Variants in RAB7A observed in about 807,000 individuals in gnomAD.
The protein encoded by RAB7A is RAB7A, member RAS oncogene family.
RAB7A carries 2 observed loss-of-function variants against 24.5 expected under a neutral mutation model. The ratio of observed to expected loss-of-function variants is 0.08; its 90% CI spans 0.03 to 0.26. RAB7A has a LOEUF of 0.26. Among genes scored for constraint, RAB7A ranks in the 10% least tolerant of loss-of-function variants. RAB7A has a pLI of 1.00. For synonymous variants in RAB7A, 100 were observed against 95.9 expected (o/e 1.04, Z -0.25); for missense variants, 118 against 255.7 (o/e 0.46, Z 3.67).
At chr3:128,780,970 A>G (rs1011680164) in intron 1 of RAB7A, among the ~76,000 whole-genome samples, 8 of 152,346 alleles carry the variant, frequency 5.3e-5, no homozygotes, top group Admixed American at 2.6e-4. Flanking sequence ...AAAGGTCTCC[A>G]TATCTTCCTC....
chr3:128,784,086 A>G (rs1933278026), intron 1 of RAB7A, among the ~76,000 whole-genome samples: 2 of 152,240 alleles, frequency 1.3e-5, no homozygotes, highest in African/African-American at 4.8e-5. Flanking sequence ...GATAGACTTC[A>G]GCCATAAAAT....
At chr3:128,764,863 A>T in intron 1 of RAB7A, 1 of 1,216,968 alleles carries the variant, frequency 8.2e-7, no homozygotes, top group African/African-American at 1.5e-5. Flanking sequence ...GTATGTGGCA[A>T]AGTTCCTCAA....
chr3:128,768,959 T>C (rs185559237), intron 1 of RAB7A, among the ~76,000 whole-genome samples: 2,711 of 147,088 alleles, frequency 0.018, 42 homozygotes, highest in South Asian at 0.052. Context: ...CTTTTTTCTT[T>C]CTTTCTTTCC....
chr3:128,798,855 G>T, intron 3 of RAB7A: 1 of 247,134 alleles, frequency 4.0e-6, no homozygotes, highest in Non-Finnish European at 7.7e-6. Context: ...AGAATCCCAG[G>T]ATTTTCCCTC....
At chr3:128,744,177 C>T (rs1012671297) in intron 1 of RAB7A, among the ~76,000 whole-genome samples, 2 of 152,038 alleles carry the variant, frequency 1.3e-5, no homozygotes, top group African/African-American at 4.8e-5. Context: ...CACTTGAGCC[C>T]TGCGGTTGGA....
chr3:128,746,717 G>A (rs1465419435), intron 1 of RAB7A, among the ~76,000 whole-genome samples: 1 of 151,672 alleles, frequency 6.6e-6, no homozygotes, highest in Non-Finnish European at 1.5e-5. Context: ...TTTTAGTAGA[G>A]ACGGGGTTTC....
intron 1 of RAB7A, among the ~76,000 whole-genome samples, chr3:128,786,659 C>T (rs963564395): frequency 3.3e-5 from 5 of 152,166 alleles, no homozygotes; most frequent in African/African-American, 1.2e-4. Context: ...TATGATGCTT[C>T]CTTCCCAGTG....
chr3:128,737,074 G>C (rs1322604839), intron 1 of RAB7A, among the ~76,000 whole-genome samples: 5 of 152,022 alleles, frequency 3.3e-5, no homozygotes, highest in Non-Finnish European at 5.9e-5. Context: ...GTCTCCCTCT[G>C]TCACCCAGGC....
At chr3:128,797,907 A>G (rs1239721809) in intron 2 of RAB7A, 36 bp from the exon 3 acceptor site, 9 of 1,609,308 alleles carry the variant, frequency 5.6e-6, no homozygotes, top group African/African-American at 5.3e-5. Flanking sequence ...GGACCCTCCT[A>G]TTTGACTTAT....
intron 1 of RAB7A, among the ~76,000 whole-genome samples, chr3:128,735,766 A>C (rs950747998): frequency 1.3e-5 from 2 of 152,196 alleles, no homozygotes; most frequent in African/African-American, 4.8e-5. Flanking sequence ...TAAATGCCTG[A>C]GATAATCTAG....
chr3:128,812,315 A>G (rs140667822), intron 5 of RAB7A, among the ~76,000 whole-genome samples: 2 of 152,280 alleles, frequency 1.3e-5, no homozygotes, highest in African/African-American at 2.4e-5. Flanking sequence ...GGGTTTCACC[A>G]TGTTCGCCAG....
intron 2 of RAB7A, among the ~76,000 whole-genome samples, chr3:128,795,787 T>C (rs1350446824): frequency 8.6e-6 from 1 of 116,902 alleles, no homozygotes; most frequent in Non-Finnish European, 1.8e-5. Flanking sequence ...AGTCTCGCTC[T>C]GTCGCCCAGG....
intron 1 of RAB7A, among the ~76,000 whole-genome samples, chr3:128,736,108 G>C (rs1471965054): frequency 6.6e-6 from 1 of 151,710 alleles, no homozygotes; most frequent in African/African-American, 2.4e-5. Flanking sequence ...TTTCATAGAG[G>C]TTGTTACCTT....
intron 1 of RAB7A, among the ~76,000 whole-genome samples, chr3:128,791,378 T>C (rs1933449254): frequency 6.6e-6 from 1 of 152,152 alleles, no homozygotes; most frequent in Non-Finnish European, 1.5e-5. Context: ...TGGCCTCAGG[T>C]GATTCACCTT....
At chr3:128,795,607 A>G (rs1435844157) in intron 2 of RAB7A, among the ~76,000 whole-genome samples, 187 bp downstream of exon 2, 2 of 151,934 alleles carry the variant, frequency 1.3e-5, no homozygotes, top group Non-Finnish European at 2.9e-5. Context: ...AGTTTTTAGC[A>G]TGATTTTTTA....
intron 1 of RAB7A, among the ~76,000 whole-genome samples, chr3:128,792,455 G>A (rs1933475541): frequency 6.6e-6 from 1 of 151,714 alleles, no homozygotes; most frequent in South Asian, 2.1e-4. Flanking sequence ...CGCCCAGGCT[G>A]GAGTGCAGTG....
chr3:128,789,107 GTTATGAATATACC>G (rs1208463114), intron 1 of RAB7A, among the ~76,000 whole-genome samples: 4 of 152,184 alleles, frequency 2.6e-5, no homozygotes, highest in Non-Finnish European at 5.9e-5. Flanking sequence ...AAAGAAATGT[GTTATGAATATACC>G]TTATTCTAGA....
chr3:128,795,461 G>T, intron 2 of RAB7A, 41 bp downstream of exon 2: 7 of 1,541,702 alleles, frequency 4.5e-6, no homozygotes, highest in Non-Finnish European at 6.3e-6. Context: ...TTGGCTTAGA[G>T]CTAAGCCTCT....
At chr3:128,762,666 T>A (rs1286864572) in intron 1 of RAB7A, among the ~76,000 whole-genome samples, 1 of 152,182 alleles carries the variant, frequency 6.6e-6, no homozygotes, top group Non-Finnish European at 1.5e-5. Flanking sequence ...TTGTTGAAGT[T>A]ACCTGGACCC....
Sources: allele counts gnomAD v4.1 joint callset (sites outside exome capture counted in the v4.1 genomes callset), GRCh38; gene constraint gnomAD v4.1.1; transcripts MANE v1.5; gene names NCBI Gene and HGNC (gene_info 2026-07-23, HGNC 2026-07-21).